Variants in PRCP observed in about 807,000 individuals in gnomAD.
PRCP encodes prolylcarboxypeptidase, also known as lysosomal Pro-X carboxypeptidase.
In PRCP, 46 loss-of-function variants were observed where a neutral mutation model predicts 54.2. The observed-to-expected ratio is 0.85, with a 90% CI of 0.67 to 1.09. The LOEUF is 1.09. Among genes scored for constraint, PRCP ranks in the 50% least tolerant of loss-of-function variants. The pLI is 0.00. For missense variants in PRCP, 613 were observed against 596.8 expected (o/e 1.03, Z -0.28); for synonymous variants, 240 against 212.2 (o/e 1.13, Z -1.14).
intron 1 of PRCP, among the ~76,000 whole-genome samples, chr11:82,863,289 A>G (rs979754874): frequency 2.0e-5 from 3 of 152,246 alleles, no homozygotes; most frequent in Non-Finnish European, 2.9e-5. Flanking sequence ...AGTACCTGAA[A>G]TACTGTAAGT....
At chr11:82,826,293 G>T (rs1858232231) in intron 8 of PRCP, 1 of 152,216 alleles carries the variant, frequency 6.6e-6, no homozygotes, top group Non-Finnish European at 1.5e-5. Flanking sequence ...GTTGTGGCAT[G>T]AATCAGTACA....
intron 8 of PRCP, chr11:82,835,889 G>A (rs145394203): frequency 3.4e-4 from 151 of 450,394 alleles, no homozygotes; most frequent in African/African-American, 2.9e-3. Flanking sequence ...AGATGAGGAT[G>A]GAATACTAAA....
At chr11:82,865,370 C>T (rs967679500) in intron 1 of PRCP, among the ~76,000 whole-genome samples, 4 of 152,172 alleles carry the variant, frequency 2.6e-5, no homozygotes, top group African/African-American at 7.2e-5. Flanking sequence ...ATCTCCCAGC[C>T]ATTTACTAAC....
At chr11:82,827,834 T>C (rs1229637585) in intron 8 of PRCP, 2 of 152,234 alleles carry the variant, frequency 1.3e-5, no homozygotes, top group Non-Finnish European at 2.9e-5. Context: ...GAGATCACGT[T>C]GAATCTGTGG....
At chr11:82,868,594 ATTTT>A (rs11302088) in intron 1 of PRCP, among the ~76,000 whole-genome samples, 1 of 151,064 alleles carries the variant, frequency 6.6e-6, no homozygotes, top group Non-Finnish European at 1.5e-5. Flanking sequence ...ACAGAGAAGA[ATTTT>A]TTTTTTTCAG....
At chr11:82,885,136 G>C (rs1859835603) in intron 1 of PRCP, among the ~76,000 whole-genome samples, 1 of 152,176 alleles carries the variant, frequency 6.6e-6, no homozygotes, top group South Asian at 2.1e-4. Flanking sequence ...CTTCGTGACA[G>C]TAAGAACCTC....
chr11:82,890,665 C>T (rs1384616904), intron 1 of PRCP, among the ~76,000 whole-genome samples: 1 of 152,216 alleles, frequency 6.6e-6, no homozygotes, highest in Non-Finnish European at 1.5e-5. Context: ...CTCGTGGTCT[C>T]AATTCAGCTT....
intron 2 of PRCP, among the ~76,000 whole-genome samples, chr11:82,859,552 T>C (rs2186622): frequency 1.3e-5 from 2 of 152,056 alleles, no homozygotes; most frequent in African/African-American, 4.8e-5. Context: ...AACATTCTTA[T>C]CCGTTTCCCT....
Position 82,900,277 on chromosome 11 carries a change from C to G in PRCP, c.126G>C (p.Pro42=), listed in dbSNP as rs376782911. Residue 42 remains proline (P), a synonymous_variant, in exon 1 of 9, where the codon CCG becomes CCC. Transcript: ENST00000313010. The part of the protein sequence containing the change: ...LHLPTNPTSL[P]AVAKNYSVLY... The stretch of plus-strand genomic sequence containing the variant: ...GAACCGAATAGTTCTTGGCTACAGC[C>G]GGGAGGGATGTGGGGTTGGTTGGCA... The G allele has an allele frequency of 6.2e-7, 1 of 1,614,098 alleles. No individual in the cohort carries two copies. The highest frequency in any genetic ancestry group is 1.3e-5 in the African/African-American group (1 of 74,942).
At chr11:82,834,654 A>C (rs967265899) in intron 8 of PRCP, among the ~76,000 whole-genome samples, 2 of 152,230 alleles carry the variant, frequency 1.3e-5, no homozygotes, top group African/African-American at 4.8e-5. Context: ...CAGGAACAGA[A>C]AACCAAACAC....
chr11:82,829,412 C>T (rs957095988), intron 8 of PRCP: 1 of 152,234 alleles, frequency 6.6e-6, no homozygotes, highest in Non-Finnish European at 1.5e-5. Context: ...TCTTTCAAGG[C>T]CTTTGCCTTT....
At chr11:82,840,611 A>G (rs1302158456) in intron 6 of PRCP, 1 of 152,184 alleles carries the variant, frequency 6.6e-6, no homozygotes, top group East Asian at 1.9e-4. Flanking sequence ...ACTTTTCCAT[A>G]TGTTTCAAAC....
intron 1 of PRCP, among the ~76,000 whole-genome samples, chr11:82,876,875 G>A (rs977255067): frequency 3.9e-5 from 6 of 152,204 alleles, no homozygotes; most frequent in African/African-American, 1.4e-4. Flanking sequence ...AGCAAATTTG[G>A]AACTGGATAA....
intron 5 of PRCP, 47 bp from the exon 6 acceptor site, chr11:82,849,265 A>T (rs1352701034): frequency 6.3e-7 from 1 of 1,589,962 alleles, no homozygotes; most frequent in Non-Finnish European, 8.6e-7. Context: ...ACTGGTCAAC[A>T]GATGTCTTTA....
At chr11:82,825,732 A>G (rs185116082) in intron 8 of PRCP, 1 of 152,378 alleles carries the variant, frequency 6.6e-6, no homozygotes, top group African/African-American at 2.4e-5. Context: ...GATCTAAAAA[A>G]TGTCACCAGG....
chr11:82,844,709 G>C (rs940417103), intron 6 of PRCP, among the ~76,000 whole-genome samples: 27 of 142,346 alleles, frequency 1.9e-4, no homozygotes, highest in Admixed American at 1.2e-3. Flanking sequence ...CTCCAGCCTG[G>C]GAGACAGAGC....
intron 1 of PRCP, among the ~76,000 whole-genome samples, chr11:82,865,561 C>T: frequency 6.6e-6 from 1 of 152,184 alleles, no homozygotes; most frequent in Non-Finnish European, 1.5e-5. Flanking sequence ...GGCACCCAGA[C>T]ATCTAATAAC....
chr11:82,835,245 T>A (rs1354927607), intron 8 of PRCP, among the ~76,000 whole-genome samples: 1 of 152,166 alleles, frequency 6.6e-6, no homozygotes, highest in South Asian at 2.1e-4. Context: ...ATGAGTCTAA[T>A]AAGTCTAATA....
intron 1 of PRCP, among the ~76,000 whole-genome samples, chr11:82,888,883 T>C (rs1221594779): frequency 6.6e-6 from 1 of 152,086 alleles, no homozygotes; most frequent in Non-Finnish European, 1.5e-5. Flanking sequence ...AAAATAATAC[T>C]CTAGGAAAAA....
Sources: allele counts gnomAD v4.1 joint callset (sites outside exome capture counted in the v4.1 genomes callset), GRCh38; gene constraint gnomAD v4.1.1; transcripts MANE v1.5; gene names NCBI Gene and HGNC (gene_info 2026-07-23, HGNC 2026-07-21).